DIAPH3: variants seen among roughly 807,000 people sequenced by gnomAD.
DIAPH3 encodes protein diaphanous homolog 3.
Under a neutral mutation model 144.3 loss-of-function variants are expected in DIAPH3, and 117 were observed. The ratio of observed to expected loss-of-function variants is 0.81; its 90% CI spans 0.70 to 0.95. DIAPH3 has a LOEUF of 0.95. DIAPH3 is among the 40% of genes least tolerant of loss of function. DIAPH3 has a pLI of 0.00. For synonymous variants in DIAPH3, 519 were observed against 488.9 expected, an observed-to-expected ratio of 1.06 and a Z score of -0.81; for missense variants, 1,421 against 1,412.7, an observed-to-expected ratio of 1.01 and a Z score of -0.09.
At chr13:60,160,183 C>T (rs1952227212) in intron 1 of DIAPH3, among the ~76,000 whole-genome samples, 1 of 152,112 alleles carries the variant, frequency 6.6e-6, no homozygotes, top group Admixed American at 6.5e-5. Flanking sequence ...GAGATCACGC[C>T]TCTGCACTCC....
chr13:59,761,797 A>T (rs2037603745), intron 27 of DIAPH3, among the ~76,000 whole-genome samples: 1 of 152,176 alleles, frequency 6.6e-6, no homozygotes, highest in Non-Finnish European at 1.5e-5. Flanking sequence ...CAGAAAGTAA[A>T]GAGAAATAAT....
intron 4 of DIAPH3, among the ~76,000 whole-genome samples, chr13:60,092,504 T>TA (rs1352964258): frequency 2.0e-5 from 3 of 151,896 alleles, no homozygotes; most frequent in African/African-American, 7.3e-5. Context: ...TACAAAAAAT[T>TA]TCCAGGCGTG....
intron 18 of DIAPH3, among the ~76,000 whole-genome samples, chr13:59,922,872 TA>T (rs2047582895): frequency 6.6e-6 from 1 of 152,128 alleles, no homozygotes; most frequent in Admixed American, 6.5e-5. Context: ...CTGTTTTCTG[TA>T]AAAAGGAACA....
chr13:59,894,063 T>C (rs1033530296), intron 20 of DIAPH3, among the ~76,000 whole-genome samples: 2 of 152,118 alleles, frequency 1.3e-5, no homozygotes, highest in African/African-American at 4.8e-5. Flanking sequence ...TTATGCTTTA[T>C]TTCAAGCCAT....
chr13:60,107,861 TTTAATGCCTG>T, intron 3 of DIAPH3, among the ~76,000 whole-genome samples: 1 of 152,346 alleles, frequency 6.6e-6, no homozygotes, highest in East Asian at 1.9e-4. Context: ...TTGGAACTCA[TTTAATGCCTG>T]TTAATGATAG....
intron 17 of DIAPH3, among the ~76,000 whole-genome samples, chr13:59,943,360 C>G (rs1391667542): frequency 6.6e-6 from 1 of 152,140 alleles, no homozygotes; most frequent in East Asian, 1.9e-4. Context: ...TGCTTCTAGA[C>G]CACTGTTACT....
chr13:59,992,317 A>G, intron 10 of DIAPH3, 131 bp from the exon 11 acceptor site: 3 of 1,017,938 alleles, frequency 2.9e-6, no homozygotes, highest in South Asian at 2.9e-5. Flanking sequence ...GTGTTAAATA[A>G]CACTCGAATC....
intron 25 of DIAPH3, among the ~76,000 whole-genome samples, chr13:59,807,041 T>G (rs1194535394): frequency 6.6e-6 from 1 of 151,842 alleles, no homozygotes; most frequent in Non-Finnish European, 1.5e-5. Context: ...GGAAAAAAGT[T>G]GACTGTATTA....
At chr13:59,951,826 T>C (rs1445032215) in intron 17 of DIAPH3, among the ~76,000 whole-genome samples, 1 of 152,142 alleles carries the variant, frequency 6.6e-6, no homozygotes, top group African/African-American at 2.4e-5. Flanking sequence ...GAATGTAAAA[T>C]GATTCAGCTA....
chr13:60,014,153 T>A (rs1050901804), intron 7 of DIAPH3, among the ~76,000 whole-genome samples: 2 of 152,146 alleles, frequency 1.3e-5, no homozygotes, highest in African/African-American at 4.8e-5. Context: ...GATCCAAATG[T>A]CCCTTTGGTT....
At chr13:59,993,384 T>C (rs1011049381) in intron 9 of DIAPH3, among the ~76,000 whole-genome samples, 13 of 151,832 alleles carry the variant, frequency 8.6e-5, no homozygotes, top group African/African-American at 2.9e-4. Context: ...TTGATAATAC[T>C]ATTTTTCTAA....
chr13:59,758,917 C>G (rs1169030292), intron 27 of DIAPH3, among the ~76,000 whole-genome samples: 4 of 150,990 alleles, frequency 2.6e-5, no homozygotes, highest in Non-Finnish European at 5.9e-5. Flanking sequence ...GTAGGTGGGA[C>G]CATGGGCGCA....
intron 12 of DIAPH3, among the ~76,000 whole-genome samples, chr13:59,988,210 C>G (rs2051556659): frequency 6.6e-6 from 1 of 151,782 alleles, no homozygotes; most frequent in South Asian, 2.1e-4. Context: ...AAGTGTTAAT[C>G]TATGCTTGCC....
chr13:59,948,342 A>T (rs1356160524), intron 17 of DIAPH3, among the ~76,000 whole-genome samples: 1 of 152,200 alleles, frequency 6.6e-6, no homozygotes, highest in African/African-American at 2.4e-5. Context: ...AAGACATAGC[A>T]TTTATACTTC....
chr13:59,743,494 A>C (rs2036564275), intron 27 of DIAPH3, among the ~76,000 whole-genome samples: 1 of 152,140 alleles, frequency 6.6e-6, no homozygotes, highest in South Asian at 2.1e-4. Context: ...GTGGATGACA[A>C]CACCCAAGGA....
At chr13:59,703,255 T>C (rs2034219017) in intron 27 of DIAPH3, among the ~76,000 whole-genome samples, 1 of 152,216 alleles carries the variant, frequency 6.6e-6, no homozygotes, top group South Asian at 2.1e-4. Flanking sequence ...AAACAGAGTA[T>C]CTGATTAAAA....
At chr13:59,748,055 T>C (rs2036790967) in intron 27 of DIAPH3, among the ~76,000 whole-genome samples, 1 of 152,218 alleles carries the variant, frequency 6.6e-6, no homozygotes, top group Admixed American at 6.5e-5. Context: ...TGCAGGTTTT[T>C]ACACTGGAAG....
At position 60,112,186 on chromosome 13, in the gene DIAPH3, G is replaced by A. The variant is rs763488761; in HGVS notation, c.214C>T (p.Leu72=). The A allele has an allele frequency of 1.9e-6, 3 of 1,613,870 alleles. No homozygotes were observed. Among genetic ancestry groups the A allele is most frequent in the Non-Finnish European group, 2.5e-6 (3 of 1,180,002 alleles). The part of the protein sequence containing the change: ...LNIRTLTDDM[L]DKFASIRIPG... ...ATTCTTATGCTGGCAAATTTGTCCA[G>A]CTACAAAGAAAGACAGAATGACACA... The change falls in exon 3 of 28, where the codon CTG becomes TTG. Residue 72 remains leucine, a splice_region_variant and synonymous_variant. Transcript: ENST00000400324.
intron 12 of DIAPH3, among the ~76,000 whole-genome samples, chr13:59,985,013 CA>C (rs1198795898): frequency 2.6e-5 from 3 of 114,102 alleles, no homozygotes; most frequent in Non-Finnish European, 5.3e-5. Flanking sequence ...GGCAGAGACA[CA>C]ACCAAAAAAG....
Sources: allele counts gnomAD v4.1 joint callset (sites outside exome capture counted in the v4.1 genomes callset), GRCh38; gene constraint gnomAD v4.1.1; transcripts MANE v1.5; gene names NCBI Gene and HGNC (gene_info 2026-07-23, HGNC 2026-07-21).